The following CSMD1 variants were observed in gnomAD, a reference collection of about 807,000 sequenced individuals.
CSMD1 encodes the protein CUB and Sushi multiple domains 1.
Under a neutral mutation model 417.5 loss-of-function variants are expected in CSMD1, and 213 were observed. That is an observed-to-expected ratio of 0.51 (90% CI 0.46 to 0.57). CSMD1 has a LOEUF of 0.57. CSMD1 is among the 20% of genes least tolerant of loss of function. The pLI, the probability that CSMD1 is intolerant of heterozygous loss-of-function variation, is 0.00. For synonymous variants in CSMD1, 2,862 were observed against 1,736.8 expected, an observed-to-expected ratio of 1.65 and a Z score of -16.11; for missense variants, 6,923 against 4,529.7, an observed-to-expected ratio of 1.53 and a Z score of -15.17.
rs148336585 is a variant in CSMD1 at position 3,905,600 on chromosome 8, T to A, written c.818+92303A>T. Among the ~76,000 whole-genome samples, 650 of 152,304 alleles carry A rather than the reference T, an allele frequency of 4.3e-3. 5 individuals are homozygous for A. The highest frequency in any genetic ancestry group is 0.014 in the African/African-American group (567 of 41,576). On this transcript the variant is annotated intron_variant, in intron 5 of 69. Coordinates refer to ENST00000635120, the MANE Select transcript of CSMD1 (RefSeq NM_033225.6). The stretch of plus-strand genomic sequence containing the variant: ...GATGGCTGGACCCCACACCCAGAGT[T>A]TCCACTTCAGTGTGACTGAAAATTT...
intron 6 of CSMD1, among the ~76,000 whole-genome samples, chr8:3,735,233 A>C (rs975393839): frequency 6.6e-6 from 1 of 152,180 alleles, no homozygotes; most frequent in Non-Finnish European, 1.5e-5. Flanking sequence ...TTTCTGTCTG[A>C]TTTGGATATT....
intron 1 of CSMD1, chr8:4,788,008 A>G: frequency 1.3e-6 from 2 of 1,591,028 alleles, no homozygotes; most frequent in South Asian, 1.1e-5. Context: ...TGTTATCGGG[A>G]TCTCAAAGAA....
intron 3 of CSMD1, among the ~76,000 whole-genome samples, chr8:4,222,036 G>C (rs1461373978): frequency 7.0e-5 from 3 of 43,154 alleles, no homozygotes; most frequent in African/African-American, 2.4e-4. Flanking sequence ...TAGTTCTCTA[G>C]AGTATGAGAA....
intron 12 of CSMD1, among the ~76,000 whole-genome samples, chr8:3,425,559 G>A (rs963184909): frequency 7.0e-6 from 1 of 142,500 alleles, no homozygotes; most frequent in Non-Finnish European, 1.5e-5. Flanking sequence ...CTGCACTCTG[G>A]CCTGGGAGAG....
intron 5 of CSMD1, among the ~76,000 whole-genome samples, chr8:3,981,398 A>G (rs983967097): frequency 1.3e-5 from 2 of 151,236 alleles, no homozygotes; most frequent in Admixed American, 1.3e-4. Flanking sequence ...TGCAGTGTAT[A>G]CTGCTTAGGT....
At chr8:3,801,869 C>T (rs780963332) in intron 5 of CSMD1, among the ~76,000 whole-genome samples, 1 of 152,046 alleles carries the variant, frequency 6.6e-6, no homozygotes, top group Non-Finnish European at 1.5e-5. Flanking sequence ...TGAAAAATCA[C>T]AAAACACCAC....
At chr8:3,824,511 G>A (rs1191563836) in intron 5 of CSMD1, among the ~76,000 whole-genome samples, 4 of 152,120 alleles carry the variant, frequency 2.6e-5, no homozygotes, top group African/African-American at 4.8e-5. Context: ...AAGCAGCCAC[G>A]ACACACTTAA....
intron 3 of CSMD1, among the ~76,000 whole-genome samples, chr8:4,235,693 G>T (rs966488478): frequency 6.6e-6 from 1 of 152,244 alleles, no homozygotes; most frequent in African/African-American, 2.4e-5. Flanking sequence ...TTTTCCTGAA[G>T]AATTTTATTT....
intron 17 of CSMD1, among the ~76,000 whole-genome samples, chr8:3,394,023 T>TG (rs1811527694): frequency 2.1e-5 from 2 of 96,128 alleles, no homozygotes; most frequent in African/African-American, 8.4e-5. Flanking sequence ...TATATATATA[T>TG]ATATATATAT....
intron 5 of CSMD1, among the ~76,000 whole-genome samples, chr8:3,799,482 T>C (rs1026420051): frequency 1.4e-5 from 2 of 144,888 alleles, no homozygotes; most frequent in African/African-American, 5.1e-5. Flanking sequence ...CACCTATAAG[T>C]GAGACATGGA....
intron 69 of CSMD1, 47 bp from the exon 70 acceptor site, chr8:2,938,791 A>C (rs1208759144): frequency 2.0e-6 from 3 of 1,525,832 alleles, no homozygotes; most frequent in Non-Finnish European, 8.9e-7. Context: ...TTTCATTTGC[A>C]GATTTAGCAG....
At chr8:3,685,271 C>T (rs1191409814) in intron 7 of CSMD1, among the ~76,000 whole-genome samples, 1 of 152,118 alleles carries the variant, frequency 6.6e-6, no homozygotes, top group Non-Finnish European at 1.5e-5. Flanking sequence ...GCTAATTGTA[C>T]CCATTACGTT....
intron 1 of CSMD1, among the ~76,000 whole-genome samples, chr8:4,874,388 A>AT (rs3038302): frequency 0.024 from 3,221 of 133,486 alleles, 208 homozygotes; most frequent in African/African-American, 0.076. Flanking sequence ...ATCCGATTGT[A>AT]TTTTTTTTTT....
intron 1 of CSMD1, among the ~76,000 whole-genome samples, chr8:4,850,382 C>CTTT: frequency 5.5e-4 from 43 of 77,838 alleles, no homozygotes; most frequent in African/African-American, 7.3e-4. Flanking sequence ...TCCAATTTAT[C>CTTT]TTTTTTTTTT....
intron 6 of CSMD1, among the ~76,000 whole-genome samples, chr8:3,726,154 C>T (rs921774097): frequency 2.0e-5 from 3 of 151,952 alleles, no homozygotes; most frequent in Admixed American, 6.6e-5. Context: ...GGCACCGAGG[C>T]GTCCTGCCAA....
intron 4 of CSMD1, among the ~76,000 whole-genome samples, chr8:4,024,364 C>T (rs915783226): frequency 6.6e-6 from 1 of 152,102 alleles, no homozygotes; most frequent in African/African-American, 2.4e-5. Flanking sequence ...GATTCTGTGG[C>T]ATAAGAGTAT....
intron 3 of CSMD1, among the ~76,000 whole-genome samples, chr8:4,186,946 C>A (rs1403692178): frequency 6.6e-6 from 1 of 151,968 alleles, no homozygotes; most frequent in African/African-American, 2.4e-5. Context: ...CAGTGAGCTG[C>A]ACTCTAGCCT....
chr8:4,896,094 T>C (rs190717392), intron 1 of CSMD1, among the ~76,000 whole-genome samples: 8 of 152,196 alleles, frequency 5.3e-5, no homozygotes, highest in African/African-American at 7.2e-5. Flanking sequence ...TGTCTGAAAA[T>C]TTTTTTCTGC....
chr8:3,980,729 C>T (rs548065320), intron 5 of CSMD1, among the ~76,000 whole-genome samples: 1 of 152,086 alleles, frequency 6.6e-6, no homozygotes, highest in Middle Eastern at 3.2e-3. Flanking sequence ...GTAAGAAGCC[C>T]CCACCCTTCT....
Sources: allele counts gnomAD v4.1 joint callset (sites outside exome capture counted in the v4.1 genomes callset), GRCh38; gene constraint gnomAD v4.1.1; transcripts MANE v1.5; gene names NCBI Gene and HGNC (gene_info 2026-07-23, HGNC 2026-07-21).